Variants in PDZD2 observed in about 807,000 individuals in gnomAD.
PDZD2 encodes PDZ domain containing 2, also known as PDZ domain-containing protein 2.
Under a neutral mutation model 220.7 loss-of-function variants are expected in PDZD2, and 90 were observed. The ratio of observed to expected loss-of-function variants is 0.41; its 90% CI spans 0.34 to 0.49. The LOEUF (loss-of-function observed/expected upper bound fraction) is 0.49. Ranked by LOEUF, PDZD2 falls within the 20% of genes least tolerant of loss-of-function variation. PDZD2 has a pLI of 0.28. For missense variants in PDZD2, 3,174 were observed against 3,608.5 expected, an observed-to-expected ratio of 0.88 and a Z score of 3.08; for synonymous variants, 1,375 against 1,450.5, an observed-to-expected ratio of 0.95 and a Z score of 1.18.
At chr5:31,974,008 T>A (rs1026468929) in intron 2 of PDZD2, among the ~76,000 whole-genome samples, 2 of 152,086 alleles carry the variant, frequency 1.3e-5, no homozygotes. Context: ...TGAGACAGAG[T>A]CTCACTCCGT....
In PDZD2 at chr5:31,978,736, A is replaced by G. The variant is rs112559974; in HGVS notation, c.477-4419A>G. Reference sequence around the variant, plus strand: ...TCTCAAAAAAAAAAAAAAGAATTCTAAGAAAATACCCCCTATTTAAAGTCT... The same window carrying G: ...TCTCAAAAAAAAAAAAAAGAATTCTGAGAAAATACCCCCTATTTAAAGTCT... On this transcript the variant is annotated intron_variant, in intron 2 of 24. Transcript: ENST00000438447. Among the ~76,000 whole-genome samples, 1,131 of 151,634 alleles carry G rather than the reference A, an allele frequency of 7.5e-3. 21 individuals are homozygous for G. The highest frequency in any genetic ancestry group is 0.026 in the African/African-American group (1,071 of 41,180).
intron 1 of PDZD2, among the ~76,000 whole-genome samples, chr5:31,689,294 T>TAA (rs1458017981): frequency 1.5e-5 from 2 of 131,038 alleles, no homozygotes; most frequent in Non-Finnish European, 3.2e-5. Context: ...TACATACATA[T>TAA]ACATATACAC....
At chr5:31,689,867 C>G (rs1747048386) in intron 1 of PDZD2, among the ~76,000 whole-genome samples, 1 of 152,134 alleles carries the variant, frequency 6.6e-6, no homozygotes, top group East Asian at 1.9e-4. Flanking sequence ...CTCTGATAGT[C>G]AATGCTGAAG....
chr5:32,098,073 G>A lies in PDZD2; in HGVS notation c.7948-291G>A, dbSNP rs1017844697. On this transcript the variant is annotated intron_variant, in intron 22 of 24. Transcript: ENST00000438447. The surrounding 1 kb of genome is among the most constrained non-coding windows in gnomAD (Gnocchi z 4.1). ...GTTTGAGACCAGCATGGCCAACATG[G>A]TGAAACCCTGTCCGTCTCTCCTAAC... Among the ~76,000 whole-genome samples, 1 of 152,126 alleles carries A rather than the reference G, an allele frequency of 6.6e-6. No homozygotes were observed. Among genetic ancestry groups the A allele is most frequent in the Admixed American group, 6.6e-5 (1 of 15,266 alleles).
intron 6 of PDZD2, among the ~76,000 whole-genome samples, chr5:32,026,267 G>T (rs1488910853): frequency 1.3e-5 from 2 of 151,950 alleles, no homozygotes; most frequent in Non-Finnish European, 2.9e-5. Context: ...CTCCCAAGTA[G>T]CTGAGACTAC....
intron 2 of PDZD2, among the ~76,000 whole-genome samples, chr5:31,926,175 G>T (rs1744735041): frequency 6.6e-6 from 1 of 151,642 alleles, no homozygotes; most frequent in Admixed American, 6.6e-5. Flanking sequence ...AGCTATGATT[G>T]TGCCACTGTG....
Position 32,069,584 on chromosome 5 carries a change from A to T in PDZD2, c.2467A>T (p.Met823Leu), listed in dbSNP as rs754054055. Residue 823 changes from methionine to leucine, a missense_variant, in exon 15 of 25, where the codon ATG becomes TTG. Around this residue, in one of 4 missense-constraint regions of PDZD2, gnomAD observed 1,861 missense variants for 2,001.0 expected, o/e 0.93. Transcript: ENST00000438447. ...HPNPKVSEQE[M>L]DEVIARSTYQ... Reference sequence around the variant, plus strand: ...TGAAAATCAGGTTTCCGAGCAGGAAATGGATGAAGTCATAGCACGCAGCAC... The same window carrying T: ...TGAAAATCAGGTTTCCGAGCAGGAATTGGATGAAGTCATAGCACGCAGCAC... The T allele has an allele frequency of 1.9e-6, 3 of 1,593,844 alleles. No individual in the cohort carries two copies. The South Asian group carries it at 3.3e-5, about 18-fold the overall frequency.
rs1392559006 is a variant in PDZD2, at chr5:31,905,718, T to C, written c.477-77437T>C. On this transcript the variant is annotated intron_variant, in intron 2 of 24. Transcript: ENST00000438447. ...AGGTATTGGGTACCTTCTGAGGATA[T>C]GGATTTCTGTCAACACTGATTTATA... 3.3e-5 allele frequency among the ~76,000 whole-genome samples: 5 copies of C among 152,232 alleles called. No homozygotes were observed. In the East Asian group the frequency reaches 7.7e-4, roughly 23 times the overall value.
At chr5:31,931,626 CAGGA>C (rs897477266) in intron 2 of PDZD2, among the ~76,000 whole-genome samples, 1 of 152,066 alleles carries the variant, frequency 6.6e-6, no homozygotes, top group Non-Finnish European at 1.5e-5. Context: ...ATCCAGGTGA[CAGGA>C]GGGAGGAACG....
At chr5:32,017,200 G>C (rs867583136) in intron 6 of PDZD2, among the ~76,000 whole-genome samples, 5 of 152,330 alleles carry the variant, frequency 3.3e-5, no homozygotes, top group Middle Eastern at 3.4e-3. Context: ...ACTTTGGAAG[G>C]CCTAGGCAGG....
At chr5:31,705,949 G>C (rs915627705) in intron 1 of PDZD2, among the ~76,000 whole-genome samples, 49 of 152,310 alleles carry the variant, frequency 3.2e-4, no homozygotes, top group African/African-American at 1.1e-3. Context: ...TACTCAGGAG[G>C]CTGAGGCAGG....
At chr5:31,746,048 A>C (rs1750587779) in intron 1 of PDZD2, among the ~76,000 whole-genome samples, 1 of 152,152 alleles carries the variant, frequency 6.6e-6, no homozygotes, top group Admixed American at 6.5e-5. Flanking sequence ...TAGGGCTCTA[A>C]ATAGAACTGT....
intron 2 of PDZD2, chr5:31,820,544 C>A (rs1580821438): frequency 1.3e-5 from 2 of 151,842 alleles, no homozygotes; most frequent in Admixed American, 1.3e-4. Context: ...TTTTTTTTAA[C>A]TTTTTTTTAA....
chr5:32,051,855 A>G (rs1487199636), intron 8 of PDZD2, among the ~76,000 whole-genome samples: 1 of 152,234 alleles, frequency 6.6e-6, no homozygotes, highest in African/African-American at 2.4e-5. Context: ...TTTATAAGAA[A>G]CAAGGGCTTG....
At chr5:31,678,826 T>G (rs11953927) in intron 1 of PDZD2, among the ~76,000 whole-genome samples, 1 of 151,988 alleles carries the variant, frequency 6.6e-6, no homozygotes, top group Admixed American at 6.5e-5. Context: ...AGGCTGGTCT[T>G]GAACTCCTAG....
At chr5:31,735,895 A>G (rs1749830771) in intron 1 of PDZD2, among the ~76,000 whole-genome samples, 1 of 152,224 alleles carries the variant, frequency 6.6e-6, no homozygotes, top group South Asian at 2.1e-4. Flanking sequence ...CAGTGAGCCA[A>G]TATCGCACCA....
chr5:31,880,914 G>C (rs1739834181), intron 2 of PDZD2, among the ~76,000 whole-genome samples: 1 of 142,560 alleles, frequency 7.0e-6, no homozygotes, highest in South Asian at 2.3e-4. Flanking sequence ...CGATTCTCCT[G>C]CCTCAGCCTC....
chr5:31,753,278 A>T (rs946141402), intron 1 of PDZD2, among the ~76,000 whole-genome samples: 26 of 152,338 alleles, frequency 1.7e-4, no homozygotes, highest in Admixed American at 5.2e-4. Flanking sequence ...AGGGGCACGG[A>T]TGCAGGTTTT....
In PDZD2 at chr5:31,903,365, G is replaced by T. The variant is rs546235378; in HGVS notation, c.477-79790G>T. 2.0e-5 allele frequency among the ~76,000 whole-genome samples: 3 copies of T among 151,978 alleles called. No homozygotes were observed. The East Asian group carries it at 5.8e-4, about 29-fold the overall frequency. ...ATCTAGGGGTAGAAAGAATAGGAAA[G>T]GTCGGGCATGGTGGCTGACACCTAT... On this transcript the variant is annotated intron_variant, in intron 2 of 24. Transcript: ENST00000438447.
Sources: allele counts gnomAD v4.1 joint callset (sites outside exome capture counted in the v4.1 genomes callset), GRCh38; gene constraint gnomAD v4.1.1; regional missense constraint gnomAD v4.1.1; non-coding constraint Gnocchi (gnomAD v3.1); transcripts MANE v1.5; gene names NCBI Gene and HGNC (gene_info 2026-07-23, HGNC 2026-07-21).